BAZ2B: variants seen among roughly 807,000 people sequenced by gnomAD.
BAZ2B encodes bromodomain adjacent to zinc finger domain protein 2B.
A neutral mutation model predicts 246.0 loss-of-function variants in BAZ2B; 91 were observed. That is an observed-to-expected ratio of 0.37 (90% CI 0.31 to 0.44). BAZ2B has a LOEUF of 0.44. Among genes scored for constraint, BAZ2B ranks in the 20% least tolerant of loss-of-function variants. The probability of loss-of-function intolerance (pLI) is 1.00; values close to 1 mark genes in which losing one functional copy is unlikely to be tolerated. For synonymous variants in BAZ2B, 855 were observed against 860.0 expected (o/e 0.99, Z 0.10); for missense variants, 2,332 against 2,533.7 (o/e 0.92, Z 1.71).
At chr2:159,689,844 A>C in the BAZ2B span, 1 of 488,700 alleles carries the variant, frequency 2.0e-6, no homozygotes, top group South Asian at 2.4e-5. Flanking sequence ...ATTTGGCAGA[A>C]TTGCTGGTAC....
At chr2:159,524,338 G>A (rs953998282) in intron 2 of BAZ2B, among the ~76,000 whole-genome samples, 4 of 151,954 alleles carry the variant, frequency 2.6e-5, no homozygotes, top group Admixed American at 6.6e-5. Flanking sequence ...GCCTGTTGTC[G>A]CAGCTACTCA....
chr2:159,647,154 G>A, the BAZ2B span, among the ~76,000 whole-genome samples: 1 of 152,120 alleles, frequency 6.6e-6, no homozygotes, highest in East Asian at 1.9e-4. Context: ...GGATTCTCCA[G>A]AGAAACAAAA....
intron 14 of BAZ2B, among the ~76,000 whole-genome samples, chr2:159,406,539 CAA>C (rs2149820879): frequency 6.6e-6 from 1 of 152,264 alleles, no homozygotes; most frequent in South Asian, 2.1e-4. Context: ...CTGAATACTT[CAA>C]ACTCTAAAAG....
chr2:159,466,676 C>A (rs535412856), intron 3 of BAZ2B, among the ~76,000 whole-genome samples: 4 of 152,072 alleles, frequency 2.6e-5, no homozygotes, highest in Non-Finnish European at 5.9e-5. Context: ...TATAAGGAAT[C>A]GAGATTATGG....
chr2:159,357,010 G>A (rs1376007663), intron 27 of BAZ2B, among the ~76,000 whole-genome samples: 1 of 152,114 alleles, frequency 6.6e-6, no homozygotes. Flanking sequence ...AATCCATGAA[G>A]ATGAAGAAAA....
At chr2:159,627,236 A>G in the BAZ2B span, among the ~76,000 whole-genome samples, 1 of 152,126 alleles carries the variant, frequency 6.6e-6, no homozygotes, top group East Asian at 1.9e-4. Context: ...TTCTTCTACC[A>G]GAGGTACACA....
intron 17 of BAZ2B, 141 bp from the exon 18 acceptor site, chr2:159,399,035 C>G (rs950457215): frequency 3.8e-5 from 23 of 611,188 alleles, no homozygotes; most frequent in Admixed American, 3.0e-4. Flanking sequence ...CAGATTTCCC[C>G]CCAGTTAACA....
At chr2:159,432,280 T>G (rs2071274433) in intron 9 of BAZ2B, among the ~76,000 whole-genome samples, 1 of 152,016 alleles carries the variant, frequency 6.6e-6, no homozygotes, top group East Asian at 1.9e-4. Flanking sequence ...AAAAAAAAAG[T>G]GACTCAAAAT....
intron 2 of BAZ2B, among the ~76,000 whole-genome samples, chr2:159,520,931 C>T (rs2084058824): frequency 6.6e-6 from 1 of 152,082 alleles, no homozygotes; most frequent in Non-Finnish European, 1.5e-5. Flanking sequence ...ACTTTATTAC[C>T]ATTCAAAGAA....
chr2:159,397,070 A>T, intron 19 of BAZ2B: 1 of 1,406,284 alleles, frequency 7.1e-7, no homozygotes, highest in Non-Finnish European at 9.5e-7. Context: ...AAACATACCC[A>T]TACCATATCT....
At chr2:159,643,959 T>C in the BAZ2B span, among the ~76,000 whole-genome samples, 25 of 151,604 alleles carry the variant, frequency 1.6e-4, no homozygotes, top group African/African-American at 5.1e-4. Flanking sequence ...TTAAATATTA[T>C]CTAACCTGGG....
chr2:159,341,813 GA>G, intron 31 of BAZ2B, among the ~76,000 whole-genome samples: 1 of 152,272 alleles, frequency 6.6e-6, no homozygotes, highest in Non-Finnish European at 1.5e-5. Context: ...AAAATTCCTT[GA>G]AATAAATGAA....
In BAZ2B at chr2:159,519,210, C is replaced by CTTTTTTTTTTTTTTTTT. The variant is rs564614568; in HGVS notation, c.-3+36596_-3+36612dup. On this transcript the variant is annotated intron_variant, in intron 2 of 36. Transcript: ENST00000392783. The stretch of plus-strand genomic sequence containing the variant: ...AAATTCCAACTTCATATTCTATTTT[C>CTTTTTTTTTTTTTTTTT]TTTTTTTTTTTTTTTTTTTTTTTTT... Among the ~76,000 whole-genome samples the CTTTTTTTTTTTTTTTTT allele has an allele frequency of 2.6e-4, 15 of 57,770 alleles. 1 individual carries two copies. The highest frequency in any genetic ancestry group is 3.4e-4 in the Non-Finnish European group (10 of 29,640). 37.9% of individuals were successfully genotyped at this position (57,770 alleles called of 152,430 possible).
At chr2:159,604,951 T>TGTGTGTGC (rs137899225) in intron 1 of BAZ2B, among the ~76,000 whole-genome samples, 1,758 of 144,400 alleles carry the variant, frequency 0.012, 27 homozygotes, top group African/African-American at 0.035. Context: ...TGTGTGTGTG[T>TGTGTGTGC]GCGCGTGTGT....
At chr2:159,379,394 A>G (rs1002688441) in intron 25 of BAZ2B, among the ~76,000 whole-genome samples, 6 of 152,156 alleles carry the variant, frequency 3.9e-5, no homozygotes, top group Admixed American at 2.6e-4. Flanking sequence ...TGCAAGATGA[A>G]TAAGTTCTAG....
chr2:159,701,804 C>T, the BAZ2B span, among the ~76,000 whole-genome samples: 2 of 151,670 alleles, frequency 1.3e-5, no homozygotes, highest in Admixed American at 6.6e-5. Flanking sequence ...TCTTGGCTCA[C>T]TGCAACCTCC....
At chr2:159,387,944 A>C (rs1320925355) in intron 21 of BAZ2B, among the ~76,000 whole-genome samples, 1 of 152,098 alleles carries the variant, frequency 6.6e-6, no homozygotes, top group African/African-American at 2.4e-5. Flanking sequence ...ATTTATGCTA[A>C]GTAAATAAAT....
chr2:159,503,723 G>A (rs966353639), intron 2 of BAZ2B, among the ~76,000 whole-genome samples: 3 of 151,984 alleles, frequency 2.0e-5, no homozygotes, highest in East Asian at 1.9e-4. Context: ...GGAATTACAG[G>A]TGCCTCCCAC....
intron 24 of BAZ2B, among the ~76,000 whole-genome samples, 179 bp downstream of exon 24, chr2:159,383,427 T>C (rs1055276302): frequency 6.6e-6 from 1 of 152,166 alleles, no homozygotes; most frequent in African/African-American, 2.4e-5. Context: ...TCTCATTATA[T>C]CTTTTGTCCA....
Sources: gnomAD v4.1 joint callset for allele counts (sites outside exome capture counted in the v4.1 genomes callset) on GRCh38, gnomAD v4.1.1 for gene constraint, MANE v1.5 for transcripts, NCBI Gene and HGNC (gene_info 2026-07-23, HGNC 2026-07-21) for gene names.